The following DDX10 variants were observed in gnomAD, a reference collection of about 807,000 sequenced individuals.
DDX10 encodes the protein DEAD-box helicase 10.
In DDX10, 74 loss-of-function variants were observed where a neutral mutation model predicts 104.3. The observed-to-expected ratio is 0.71, with a 90% CI of 0.59 to 0.86. The LOEUF is 0.86. Among genes scored for constraint, DDX10 ranks in the 40% least tolerant of loss-of-function variants. DDX10 has a pLI of 0.00. For synonymous variants in DDX10, 351 were observed against 353.4 expected (o/e 0.99, Z 0.08); for missense variants, 952 against 1,040.0 (o/e 0.92, Z 1.16).
chr11:108,881,615 G>A (rs1863228168), intron 16 of DDX10, among the ~76,000 whole-genome samples: 1 of 152,074 alleles, frequency 6.6e-6, no homozygotes, highest in South Asian at 2.1e-4. Flanking sequence ...AGTATTCAGT[G>A]AATTACATGA....
At chr11:108,692,535 G>A (rs1297723219) in intron 8 of DDX10, among the ~76,000 whole-genome samples, 2 of 152,164 alleles carry the variant, frequency 1.3e-5, no homozygotes, top group Admixed American at 1.3e-4. Flanking sequence ...AACTAGAGAG[G>A]AAAACTAGAC....
At chr11:108,764,087 G>T (rs1352103268) in intron 13 of DDX10, among the ~76,000 whole-genome samples, 1 of 152,144 alleles carries the variant, frequency 6.6e-6, no homozygotes, top group East Asian at 1.9e-4. Context: ...AAAATCTTTA[G>T]AACTTCCTTT....
At chr11:108,793,377 G>T (rs771614434) in intron 13 of DDX10, among the ~76,000 whole-genome samples, 4 of 152,116 alleles carry the variant, frequency 2.6e-5, no homozygotes, top group Non-Finnish European at 5.9e-5. Context: ...AAACATTACC[G>T]ACAAGCTGGT....
At chr11:108,800,547 G>C (rs1862007091) in intron 13 of DDX10, among the ~76,000 whole-genome samples, 1 of 151,900 alleles carries the variant, frequency 6.6e-6, no homozygotes, top group South Asian at 2.1e-4. Context: ...ACCTGTGTGG[G>C]TGCTTTACCT....
intron 15 of DDX10, among the ~76,000 whole-genome samples, chr11:108,850,846 A>G (rs759048688): frequency 1.1e-4 from 16 of 152,112 alleles, no homozygotes; most frequent in Non-Finnish European, 2.2e-4. Context: ...ATCACTTACT[A>G]TGTGTGACAT....
intron 13 of DDX10, among the ~76,000 whole-genome samples, chr11:108,805,557 A>G (rs1239587232): frequency 6.6e-6 from 1 of 152,232 alleles, no homozygotes; most frequent in Non-Finnish European, 1.5e-5. Context: ...TAAGACTGTT[A>G]GCTTATTTCC....
intron 13 of DDX10, among the ~76,000 whole-genome samples, chr11:108,737,084 A>G (rs917604509): frequency 1.3e-5 from 2 of 152,138 alleles, no homozygotes; most frequent in Admixed American, 6.5e-5. Flanking sequence ...TGTTTGTAGC[A>G]TGGAGTCCAT....
chr11:108,742,787 A>G (rs2094326862), intron 13 of DDX10, among the ~76,000 whole-genome samples: 3 of 152,176 alleles, frequency 2.0e-5, no homozygotes, highest in South Asian at 4.1e-4. Context: ...TGGAAAACCT[A>G]GAAGAAATGG....
Position 108,734,383 on chromosome 11 carries a change from T to C in DDX10, c.1965+10921T>C, listed in dbSNP as rs183491134. Among the ~76,000 whole-genome samples the C allele has an allele frequency of 1.5e-3, 221 of 152,280 alleles. 2 individuals are homozygous for C. The highest frequency in any genetic ancestry group is 5.0e-3 in the African/African-American group (206 of 41,568). On this transcript the variant is annotated intron_variant, in intron 13 of 17. Coordinates refer to ENST00000322536, the MANE Select transcript of DDX10 (RefSeq NM_004398.4). Reference sequence around the variant, plus strand: ...TTTTTTGGCATCCTGTGCTTAATTCTTTTTTTGTAATCTAAGCTTTGTTCC... The same window carrying C: ...TTTTTTGGCATCCTGTGCTTAATTCCTTTTTTGTAATCTAAGCTTTGTTCC...
At chr11:108,701,682 T>TTTC (rs2094268285) in intron 9 of DDX10, among the ~76,000 whole-genome samples, 1 of 113,182 alleles carries the variant, frequency 8.8e-6, no homozygotes, top group East Asian at 2.5e-4. Context: ...TCTCTTTTTT[T>TTTC]TTTTTTTTTT....
intron 16 of DDX10, among the ~76,000 whole-genome samples, chr11:108,916,361 C>T (rs139701690): frequency 6.6e-5 from 10 of 152,250 alleles, no homozygotes; most frequent in African/African-American, 2.4e-4. Context: ...CTGCTTAATG[C>T]TTCTAATCCC....
At chr11:108,680,082 G>C (rs565982130) in intron 6 of DDX10, among the ~76,000 whole-genome samples, 10 of 152,140 alleles carry the variant, frequency 6.6e-5, no homozygotes, top group Non-Finnish European at 1.3e-4. Flanking sequence ...TTAATATTTA[G>C]CAAAATACCT....
rs539013898 is a variant in DDX10, at chr11:108,799,761, G to C, written c.1966-38685G>C. Among the ~76,000 whole-genome samples the C allele has an allele frequency of 7.2e-5, 11 of 152,162 alleles. No individual in the cohort carries two copies. In the South Asian group the frequency reaches 2.3e-3, roughly 32 times the overall value. On this transcript the variant is annotated intron_variant, in intron 13 of 17. Transcript: ENST00000322536. The stretch of plus-strand genomic sequence containing the variant: ...TATTATCAGCTTTTCCACCAGACTG[G>C]GCATCTGGAGAACTTTGTCTTATTT...
intron 13 of DDX10, among the ~76,000 whole-genome samples, chr11:108,756,706 A>C (rs1241058396): frequency 6.6e-6 from 1 of 152,052 alleles, no homozygotes; most frequent in South Asian, 2.1e-4. Flanking sequence ...AGTCCCCTTC[A>C]TTGCAGCCTC....
intron 13 of DDX10, among the ~76,000 whole-genome samples, chr11:108,807,255 G>T (rs973312841): frequency 2.0e-5 from 3 of 152,128 alleles, no homozygotes; most frequent in Non-Finnish European, 4.4e-5. Context: ...TCATTGAAGT[G>T]GAAAAGGTTG....
At chr11:108,775,163 G>C (rs1038074219) in intron 13 of DDX10, among the ~76,000 whole-genome samples, 2 of 152,204 alleles carry the variant, frequency 1.3e-5, no homozygotes, top group Admixed American at 1.3e-4. Context: ...TGTGAAAGCT[G>C]TCTTTAGCTC....
At chr11:108,745,859 T>C (rs1479388123) in intron 13 of DDX10, among the ~76,000 whole-genome samples, 2 of 152,208 alleles carry the variant, frequency 1.3e-5, no homozygotes, top group African/African-American at 2.4e-5. Flanking sequence ...CATCATGTTA[T>C]TCCATTGTTT....
chr11:108,773,181 A>G (rs2094365551), intron 13 of DDX10, among the ~76,000 whole-genome samples: 1 of 152,226 alleles, frequency 6.6e-6, no homozygotes, highest in Non-Finnish European at 1.5e-5. Context: ...CTTGTTACTT[A>G]TTGTTATGAA....
At chr11:108,711,681 A>G (rs1281571573) in intron 10 of DDX10, among the ~76,000 whole-genome samples, 4 of 152,156 alleles carry the variant, frequency 2.6e-5, no homozygotes, top group Admixed American at 6.6e-5. Flanking sequence ...CAGATATTGT[A>G]TGATTTATAT....
Sources: gnomAD v4.1 joint callset for allele counts (sites outside exome capture counted in the v4.1 genomes callset) on GRCh38, gnomAD v4.1.1 for gene constraint, MANE v1.5 for transcripts, NCBI Gene and HGNC (gene_info 2026-07-23, HGNC 2026-07-21) for gene names.